The following BTBD18 variants were observed in gnomAD, a reference collection of about 807,000 sequenced individuals.
The protein encoded by BTBD18 is BTB/POZ domain-containing protein 18.
For synonymous variants in BTBD18, 311 were observed against 324.4 expected (o/e 0.96, Z 0.44); for missense variants, 787 against 846.3 (o/e 0.93, Z 0.87).
In BTBD18 at chr11:57,749,746, A is replaced by C. The variant is rs1322285405; in HGVS notation, c.124+1319T>G. Among the ~76,000 whole-genome samples the C allele has an allele frequency of 7.0e-3, 22 of 3,156 alleles. No individual in the cohort carries two copies. The East Asian group carries it at 0.19, about 28-fold the overall frequency. The allele number at this position is 3,156 out of a possible 152,430, so 2.1% of individuals were successfully genotyped here. A position where few individuals can be genotyped will look rare whatever the true frequency, so the allele number is the denominator to read the frequency against. ...GCCTGGGCGACAGCGCAAGAATCTCAAAAAAAAAAAAAAAAAAAAAAAAAA... is the reference window on the plus strand; with the variant it reads ...GCCTGGGCGACAGCGCAAGAATCTCCAAAAAAAAAAAAAAAAAAAAAAAAA... On this transcript the variant is annotated intron_variant, in intron 2 of 2. Transcript: ENST00000422652.
At chr11:57,748,556 AAAAAAAAG>A (rs1453201176) in intron 2 of BTBD18, among the ~76,000 whole-genome samples, 23 of 104,286 alleles carry the variant, frequency 2.2e-4, no homozygotes, top group East Asian at 1.9e-3. Context: ...CTCTAAAAAG[AAAAAAAAG>A]AAAAAAAAAA....
chr11:57,746,805 C>A (rs1449203778), intron 2 of BTBD18, among the ~76,000 whole-genome samples: 1,058 of 95,134 alleles, frequency 0.011, 5 homozygotes, highest in South Asian at 0.016. Context: ...ACCTTGTCTC[C>A]AAAAAAAAAA....
rs1949177675 is a variant in BTBD18 at position 57,745,778 on chromosome 11, G to A, written c.495C>T (p.Thr165=). 6.4e-7 allele frequency: 1 copy of A among 1,551,612 alleles called. No homozygotes were observed. The highest frequency in any genetic ancestry group is 1.4e-5 in the African/African-American group (1 of 73,122). ...RVVTPSHHPH[T]PLPTNQTPCP... ...AAGGAGTTTGATTAGTGGGCAGTGGGGTGTGAGGGTGGTGGCTGGGTGTCA... is the reference window on the plus strand; with the variant it reads ...AAGGAGTTTGATTAGTGGGCAGTGGAGTGTGAGGGTGGTGGCTGGGTGTCA... The change falls in exon 3 of 3, where the codon ACC becomes ACT. Residue 165 remains threonine (T), a synonymous_variant. Transcript: ENST00000422652.
Position 57,744,959 on chromosome 11 carries a change from G to T in BTBD18, c.1314C>A (p.Asp438Glu). Residue 438 changes from aspartate to glutamate, a missense_variant, in exon 3 of 3, where the codon GAC becomes GAA. Transcript: ENST00000422652. ...DILVSASHSP[D>E]HPVVKSEFES... The stretch of plus-strand genomic sequence containing the variant: ...CAAACTCTGACTTCACCACTGGGTG[G>T]TCTGGGGAGTGGCTAGCAGAGACCA... The T allele has an allele frequency of 6.4e-7, 1 of 1,551,638 alleles. No homozygotes were observed. The highest frequency in any genetic ancestry group is 1.4e-5 in the African/African-American group (1 of 73,166).
chr11:57,750,200 A>AC (rs1224727304), intron 2 of BTBD18, among the ~76,000 whole-genome samples: 1 of 151,832 alleles, frequency 6.6e-6, no homozygotes, highest in Non-Finnish European at 1.5e-5. Context: ...ACATAGTGAA[A>AC]CCCCATCTCT....
chr11:57,752,984 C>T (rs78126594), upstream of BTBD18, among the ~76,000 whole-genome samples: 2 of 152,260 alleles, frequency 1.3e-5, no homozygotes, highest in East Asian at 3.8e-4. Context: ...CTTCCCGTCA[C>T]GGCCACCTCC....
Position 57,745,012 on chromosome 11 carries a change from G to A in BTBD18, c.1261C>T (p.Pro421Ser), listed in dbSNP as rs1949160966. 1.9e-6 allele frequency: 3 copies of A among 1,551,526 alleles called. No homozygotes were observed. Among genetic ancestry groups the A allele is most frequent in the Middle Eastern group, 1.7e-4 (1 of 6,012 alleles). ...ATGTCTTGTAGCTTAGTGCACATGG[G>A]GGAGTCCTGACACAGTTCTGTTCTA... ...PTRTELCQDS[P>S]MCTKLQDILV... The change falls in exon 3 of 3, where the codon CCC becomes TCC. Residue 421 changes from proline to serine, a missense_variant. By Grantham distance (74) the Pro-to-Ser change is moderately conservative. Transcript: ENST00000422652.
In BTBD18 at chr11:57,751,269, G is replaced by C. The variant is rs920434437; in HGVS notation, c.-48-33C>G. On this transcript the variant is annotated intron_variant, in intron 1 of 2. Coordinates refer to ENST00000422652, the MANE Select transcript of BTBD18 (RefSeq NM_001145101.3). ...TGAGATAATACATTTCAGAGGCATG[G>C]TTACATCTAATTTGTTTTTTGTCTT... 16 of 1,160,654 alleles carry C rather than the reference G, an allele frequency of 1.4e-5. No individual in the cohort carries two copies. In the African/African-American group the frequency reaches 2.4e-4, roughly 18 times the overall value. 71.9% of individuals were successfully genotyped at this position (1,160,654 alleles called of 1,614,324 possible).
At position 57,743,584 on chromosome 11, in the gene BTBD18, G is replaced by A. The variant is rs947552596; in HGVS notation, c.*550C>T. 5 of 152,258 alleles carry A rather than the reference G, an allele frequency of 3.3e-5. No homozygotes were observed. The highest frequency in any genetic ancestry group is 7.3e-5 in the Non-Finnish European group (5 of 68,082). The allele number at this position is 152,258 out of a possible 1,614,324, so 9.4% of individuals were successfully genotyped here. On this transcript the variant is annotated 3_prime_UTR_variant, in exon 3 of 3. Transcript: ENST00000422652. ...ATCTTTTTCAACTTACTTTTTGGAAGTAATGATGGAAGTACATCTTCTTGG... is the reference window on the plus strand; with the variant it reads ...ATCTTTTTCAACTTACTTTTTGGAAATAATGATGGAAGTACATCTTCTTGG...
At chr11:57,747,196 C>A (rs1400831842) in intron 2 of BTBD18, among the ~76,000 whole-genome samples, 1 of 152,212 alleles carries the variant, frequency 6.6e-6, no homozygotes, top group Non-Finnish European at 1.5e-5. Flanking sequence ...CCCAGGCAAT[C>A]TCACTTTGTT....
At chr11:57,748,032 G>A (rs1949230793) in intron 2 of BTBD18, among the ~76,000 whole-genome samples, 1 of 152,026 alleles carries the variant, frequency 6.6e-6, no homozygotes, top group Non-Finnish European at 1.5e-5. Context: ...AAACTCCTGG[G>A]CTAAAACAAT....
Position 57,745,431 on chromosome 11 carries a change from C to A in BTBD18, c.842G>T (p.Ser281Ile). Reference sequence around the variant, plus strand: ...CACTGAGCTAGATCCACTTAAAATGCTGGAAGGCTTTGATGTACAGATACC... The same window carrying A: ...CACTGAGCTAGATCCACTTAAAATGATGGAAGGCTTTGATGTACAGATACC... ...SPGICTSKPS[S>I]ILSGSSSVPA... The change falls in exon 3 of 3, where the codon AGC becomes ATC. Residue 281 changes from serine to isoleucine, a missense_variant. Physicochemically the swap from Ser to Ile is moderately radical, Grantham distance 142. Transcript: ENST00000422652. The A allele has an allele frequency of 6.4e-7, 1 of 1,551,582 alleles. No individual in the cohort carries two copies. Among genetic ancestry groups the A allele is most frequent in the Non-Finnish European group, 8.7e-7 (1 of 1,146,994 alleles).
In BTBD18 at chr11:57,745,303, G is replaced by A; in HGVS notation, c.970C>T (p.Pro324Ser). 1 of 1,551,658 alleles carries A rather than the reference G, an allele frequency of 6.4e-7. No homozygotes were observed. The highest frequency in any genetic ancestry group is 1.2e-5 in the South Asian group (1 of 84,056). ...GTCTTTCCCAGACCAGATGGGTTTG[G>A]GGTGCTCTGCAGAGGACTAGCTCTG... ...PGRASPLQST[P>S]NPSGLGKTGG... The change falls in exon 3 of 3, where the codon CCA (proline) becomes TCA (serine). Residue 324 changes from proline to serine, a missense_variant. Physicochemically the swap from Pro to Ser is moderately conservative, Grantham distance 74. Transcript: ENST00000422652.
In BTBD18 at chr11:57,751,140, G is replaced by A; in HGVS notation, c.49C>T (p.Leu17Phe). ...TGAAGCTGCAGAAAAGCTAACCTGA[G>A]GAACCGGGGGTTCCTGTATAGGATT... ...PKILYRNPRF[L>F]RLAFLQLHHQ... The change falls in exon 2 of 3, where the codon CTC becomes TTC. Residue 17 changes from leucine to phenylalanine, a missense_variant. Leu to Phe is a conservative substitution (Grantham distance 22). Transcript: ENST00000422652. 2 of 1,550,544 alleles carry A rather than the reference G, an allele frequency of 1.3e-6. No individual in the cohort carries two copies. Among genetic ancestry groups the A allele is most frequent in the Non-Finnish European group, 1.7e-6 (2 of 1,146,566 alleles).
rs770103270 is a variant in BTBD18, at chr11:57,744,578, G to A, written c.1695C>T (p.Asn565=). The A allele has an allele frequency of 1.9e-6, 3 of 1,551,578 alleles. No homozygotes were observed. The African/African-American group carries it at 4.1e-5, about 21-fold the overall frequency. ...GGCTAAGGAGCTCAGTTGGCCCTCT[G>A]TTCTCACCAGCAGGTTCCTTTTCCA... is the stretch of plus-strand genomic sequence containing the variant. ...TELEKEPAGE[N]RGPTELLSPL... Residue 565 remains asparagine (N), a synonymous_variant, in exon 3 of 3, where the codon AAC becomes AAT. Coordinates refer to ENST00000422652, the MANE Select transcript of BTBD18 (RefSeq NM_001145101.3).
intron 2 of BTBD18, among the ~76,000 whole-genome samples, chr11:57,749,107 T>C (rs1017166238): frequency 6.6e-6 from 1 of 152,216 alleles, no homozygotes; most frequent in Non-Finnish European, 1.5e-5. Context: ...TCTCCCAGTC[T>C]CCTCAAGTCT....
rs1423650648 is a variant in BTBD18, at chr11:57,746,839, CACCACA to C, written c.125-697_125-692del. ...AAAAAAAAAAAGCCTTCCTCCACCC[CACCACA>C]AGTCTGAGTTAGGTGTTCCTGGGCA... On this transcript the variant is annotated intron_variant, in intron 2 of 2. Coordinates refer to ENST00000422652, the MANE Select transcript of BTBD18 (RefSeq NM_001145101.3). Among the ~76,000 whole-genome samples the C allele has an allele frequency of 2.6e-5, 4 of 151,754 alleles. No individual in the cohort carries two copies. In the East Asian group the frequency reaches 7.7e-4, roughly 29 times the overall value.
chr11:57,747,869 A>C (rs1949227936), intron 2 of BTBD18, among the ~76,000 whole-genome samples: 1 of 152,142 alleles, frequency 6.6e-6, no homozygotes, highest in Admixed American at 6.5e-5. Flanking sequence ...ACACAATCAT[A>C]GCTCACTGCA....
At position 57,744,605 on chromosome 11, in the gene BTBD18, T is replaced by C; in HGVS notation, c.1668A>G (p.Glu556=). The change falls in exon 3 of 3, where the codon GAA becomes GAG. Residue 556 remains glutamate, a synonymous_variant. Coordinates refer to ENST00000422652, the MANE Select transcript of BTBD18 (RefSeq NM_001145101.3). ...TCTCACCAGCAGGTTCCTTTTCCAA[T>C]TCTGTGAGCTCCCTGGGCCAGAGTT... ...DMELWPRELT[E]LEKEPAGENR... is the part of the protein sequence containing the mutation. 1 of 1,551,684 alleles carries C rather than the reference T, an allele frequency of 6.4e-7. No individual in the cohort carries two copies. The highest frequency in any genetic ancestry group is 1.4e-5 in the African/African-American group (1 of 73,154).
Sources: allele counts gnomAD v4.1 joint callset (sites outside exome capture counted in the v4.1 genomes callset), GRCh38; gene constraint gnomAD v4.1.1; transcripts MANE v1.5; gene names NCBI Gene and HGNC (gene_info 2026-07-23, HGNC 2026-07-21).